Variants in SCN10A observed in about 807,000 individuals in gnomAD.
SCN10A encodes sodium channel protein type 10 subunit alpha.
A neutral mutation model predicts 170.7 loss-of-function variants in SCN10A; 162 were observed. The ratio of observed to expected loss-of-function variants is 0.95; its 90% CI spans 0.84 to 1.08. The LOEUF (loss-of-function observed/expected upper bound fraction) is 1.08. Among genes scored for constraint, SCN10A ranks in the 50% least tolerant of loss-of-function variants. The pLI, the probability that SCN10A is intolerant of heterozygous loss-of-function variation, is 0.00. For synonymous variants in SCN10A, 985 were observed against 904.6 expected (o/e 1.09, Z -1.59); for missense variants, 2,527 against 2,436.9 (o/e 1.04, Z -0.78).
At chr3:38,763,433 G>C in intron 6 of SCN10A, 72 bp downstream of exon 6, 1 of 1,179,364 alleles carries the variant, frequency 8.5e-7, no homozygotes, top group East Asian at 2.3e-5. Context: ...GAACCTTACA[G>C]GGTTCTTGTG....
At position 38,718,771 on chromosome 3, in the gene SCN10A, T is replaced by G; in HGVS notation, c.3563A>C (p.Tyr1188Ser). 1.9e-6 allele frequency: 3 copies of G among 1,614,236 alleles called. No homozygotes were observed. The South Asian group carries it at 3.3e-5, about 18-fold the overall frequency. ...QKPTVKALLE[Y>S]TDRVFTFIFV... ...GATAAAGGTGAAGACCCTGTCAGTG[T>G]ACTCCAGCAAAGCTTTCACCGTGGG... is the stretch of plus-strand genomic sequence containing the variant. Residue 1188 changes from tyrosine (Y) to serine (S), a missense_variant, in exon 21 of 28, where the codon TAC (tyrosine) becomes TCC (serine). Physicochemically the swap from Tyr to Ser is moderately radical, Grantham distance 144. Coordinates refer to ENST00000449082, the MANE Select transcript of SCN10A (RefSeq NM_006514.4).
At chr3:38,741,289 A>AAC (rs60874265) in intron 14 of SCN10A, among the ~76,000 whole-genome samples, 7,579 of 146,644 alleles carry the variant, frequency 0.052, 186 homozygotes, top group Non-Finnish European at 0.055. Context: ...CGTGTGTTTG[A>AAC]ACACACACAC....
At chr3:38,702,740 C>A (rs1476699025) in intron 26 of SCN10A, among the ~76,000 whole-genome samples, 1 of 152,170 alleles carries the variant, frequency 6.6e-6, no homozygotes, top group East Asian at 1.9e-4. Context: ...TGGTGCTGTG[C>A]AAATGCCTAA....
intron 1 of SCN10A, among the ~76,000 whole-genome samples, chr3:38,795,653 CCTAA>C (rs2064336424): frequency 6.6e-6 from 1 of 151,834 alleles, no homozygotes; most frequent in Non-Finnish European, 1.5e-5. Flanking sequence ...TCTTGGTTTT[CCTAA>C]CTTTCTCTCT....
At position 38,761,215 on chromosome 3, in the gene SCN10A, G is replaced by T. The variant is rs779570073; in HGVS notation, c.860C>A (p.Thr287Asn). The T allele has an allele frequency of 6.2e-7, 1 of 1,607,554 alleles. No individual in the cohort carries two copies. Among genetic ancestry groups the T allele is most frequent in the African/African-American group, 1.3e-5 (1 of 74,842 alleles). ...ACGTTTTCTGTGAGATGAGTAGTTG[G>T]TTGTCTCATTGACAGCCATGTCATT... ...VKNDMAVNETTNYSSHRKPDI... is the reference protein window; with the variant it reads ...VKNDMAVNETNNYSSHRKPDI... Residue 287 changes from threonine to asparagine, a missense_variant, in exon 7 of 28, where the codon ACC becomes AAC. Coordinates refer to ENST00000449082, the MANE Select transcript of SCN10A (RefSeq NM_006514.4).
At chr3:38,763,712 T>G in intron 5 of SCN10A, 116 bp from the exon 6 acceptor site, 1 of 728,788 alleles carries the variant, frequency 1.4e-6, no homozygotes. Flanking sequence ...GAATGGACAC[T>G]TAGAATCTAG....
chr3:38,766,456 T>C (rs2063934179), intron 5 of SCN10A, among the ~76,000 whole-genome samples: 1 of 152,166 alleles, frequency 6.6e-6, no homozygotes, highest in African/African-American at 2.4e-5. Flanking sequence ...GGATGCTGGA[T>C]TTTGTCAAAT....
intron 26 of SCN10A, 60 bp from the exon 27 acceptor site, chr3:38,702,169 T>C: frequency 1.3e-6 from 2 of 1,500,038 alleles, no homozygotes; most frequent in South Asian, 2.7e-5. Flanking sequence ...CAGGCATCTG[T>C]GTTATCTGTA....
At chr3:38,807,804 C>T (rs1327329142) in intron 1 of SCN10A, among the ~76,000 whole-genome samples, 1 of 152,096 alleles carries the variant, frequency 6.6e-6, no homozygotes, top group East Asian at 1.9e-4. Context: ...CCATCAAGCA[C>T]GCAGTTGCTC....
rs139638446 is a variant in SCN10A at position 38,718,660 on chromosome 3, A to G, written c.3674T>C (p.Ile1225Thr). Residue 1225 changes from isoleucine (I) to threonine (T), a missense_variant, in exon 21 of 28, where the codon ATT becomes ACT. Physicochemically the swap from Ile to Thr is moderately conservative, Grantham distance 89. Transcript: ENST00000449082. The stretch of plus-strand genomic sequence containing the variant: ...TCCCACTGAGCCACTCACATTCACA[A>G]TGAGGAAGTCCAGCCAGCACCAGGC... Reference protein sequence around the residue: ...TNAWCWLDFLIVNISLISLTA... With the variant: ...TNAWCWLDFLTVNISLISLTA... 790 of 1,614,116 alleles carry G rather than the reference A, an allele frequency of 4.9e-4. 3 individuals are homozygous for G. In the Middle Eastern group the frequency reaches 8.6e-3, roughly 18 times the overall value.
intron 15 of SCN10A, among the ~76,000 whole-genome samples, chr3:38,738,012 G>C (rs1337384318): frequency 1.3e-5 from 2 of 151,262 alleles, no homozygotes; most frequent in African/African-American, 4.9e-5. Flanking sequence ...CGATCATGGT[G>C]CACTGCAGCC....
chr3:38,730,678 G>C (rs1441621323), intron 15 of SCN10A, among the ~76,000 whole-genome samples: 1 of 151,912 alleles, frequency 6.6e-6, no homozygotes, highest in Non-Finnish European at 1.5e-5. Context: ...ACAATAACAA[G>C]TTGTGAAAAA....
At chr3:38,803,307 C>T (rs940561809) in intron 1 of SCN10A, among the ~76,000 whole-genome samples, 34 of 152,042 alleles carry the variant, frequency 2.2e-4, no homozygotes, top group African/African-American at 8.0e-4. Context: ...TGGGTATATA[C>T]CCAAAGGATT....
chr3:38,735,472 T>A (rs533335356), intron 15 of SCN10A, among the ~76,000 whole-genome samples: 6 of 152,334 alleles, frequency 3.9e-5, no homozygotes, highest in Admixed American at 3.3e-4. Context: ...GAAGACTGAA[T>A]TATGTAAAGA....
intron 1 of SCN10A, among the ~76,000 whole-genome samples, chr3:38,812,864 T>C (rs1363086369): frequency 6.6e-6 from 1 of 152,002 alleles, no homozygotes; most frequent in African/African-American, 2.4e-5. Context: ...CGAGACCCTG[T>C]CTCTACCAAA....
chr3:38,710,729 G>A (rs2063264398), intron 24 of SCN10A, 115 bp downstream of exon 24: 2 of 952,816 alleles, frequency 2.1e-6, no homozygotes, highest in Non-Finnish European at 3.3e-6. Flanking sequence ...GTGTGAGGTT[G>A]CTGGGTGATC....
chr3:38,767,116 T>G lies in SCN10A; in HGVS notation c.600-3520A>C, dbSNP rs527779170. 2.0e-5 allele frequency among the ~76,000 whole-genome samples: 3 copies of G among 152,150 alleles called. No homozygotes were observed. In the East Asian group the frequency reaches 5.8e-4, roughly 29 times the overall value. ...ATTTCTAATTGAGCTTATTTGGATC[T>G]TCTCTCTTCTTTTCTTGGTTAATCT... On this transcript the variant is annotated intron_variant, in intron 5 of 27. Coordinates refer to ENST00000449082, the MANE Select transcript of SCN10A (RefSeq NM_006514.4).
chr3:38,740,095 T>C lies in SCN10A; in HGVS notation c.2107-407A>G, dbSNP rs535932779. 6.6e-5 allele frequency among the ~76,000 whole-genome samples: 10 copies of C among 152,316 alleles called. No homozygotes were observed. The East Asian group carries it at 1.3e-3, about 21-fold the overall frequency. On this transcript the variant is annotated intron_variant, in intron 14 of 27. Transcript: ENST00000449082. ...CCTAGCTTATGTAAGCTTGGACAAA[T>C]AATGCATCCTTCCTGTACCTCAATT... is the stretch of plus-strand genomic sequence containing the variant.
chr3:38,806,941 G>A (rs1359174478), intron 1 of SCN10A, among the ~76,000 whole-genome samples: 1 of 152,002 alleles, frequency 6.6e-6, no homozygotes, highest in Non-Finnish European at 1.5e-5. Context: ...GATTGGTCTG[G>A]GTGTATAATC....
Sources: allele counts gnomAD v4.1 joint callset (sites outside exome capture counted in the v4.1 genomes callset), GRCh38; gene constraint gnomAD v4.1.1; transcripts MANE v1.5; gene names NCBI Gene and HGNC (gene_info 2026-07-23, HGNC 2026-07-21).